Variants in GLO1 observed in about 807,000 individuals in gnomAD.
GLO1 encodes lactoylglutathione lyase.
A neutral mutation model predicts 26.0 loss-of-function variants in GLO1; 28 were observed. The ratio of observed to expected loss-of-function variants is 1.08; its 90% CI spans 0.80 to 1.48. The LOEUF (loss-of-function observed/expected upper bound fraction) is 1.48. Ranked by LOEUF, GLO1 falls within the 40% of genes most tolerant of loss-of-function variation. The pLI, the probability that GLO1 is intolerant of heterozygous loss-of-function variation, is 0.00. For missense variants in GLO1, 225 were observed against 224.8 expected, an observed-to-expected ratio of 1.00 and a Z score of -0.01; for synonymous variants, 78 against 77.6, an observed-to-expected ratio of 1.00 and a Z score of -0.03.
chr6:38,692,227 T>C (rs1761541827), intron 1 of GLO1, among the ~76,000 whole-genome samples: 1 of 152,192 alleles, frequency 6.6e-6, no homozygotes, highest in Non-Finnish European at 1.5e-5. Context: ...GCATCGCCAT[T>C]GCTGTTTTCA....
chr6:38,686,066 A>C (rs1252276409), intron 2 of GLO1, among the ~76,000 whole-genome samples: 1 of 152,226 alleles, frequency 6.6e-6, no homozygotes, highest in Non-Finnish European at 1.5e-5. Flanking sequence ...TTGTCCTTTA[A>C]ATATGTCATA....
chr6:38,681,970 T>C (rs758571221), intron 5 of GLO1, 42 bp downstream of exon 5: 7 of 979,332 alleles, frequency 7.1e-6, no homozygotes, highest in South Asian at 2.6e-5. Flanking sequence ...TTAGTAAATA[T>C]CAACTAAAGA....
chr6:38,690,295 G>A (rs1181373957), intron 1 of GLO1, among the ~76,000 whole-genome samples: 1 of 152,138 alleles, frequency 6.6e-6, no homozygotes, highest in Non-Finnish European at 1.5e-5. Flanking sequence ...TTACTGCTGA[G>A]AAAGTAAGTG....
At chr6:38,688,553 G>A (rs10447398) in intron 1 of GLO1, among the ~76,000 whole-genome samples, 53,446 of 152,006 alleles carry the variant, frequency 0.35, 10,048 homozygotes, top group Non-Finnish European at 0.42. Context: ...AGTGGTAGCT[G>A]CTTCTCTATT....
At position 38,678,824 on chromosome 6, in the gene GLO1, T is replaced by C. The variant is rs1761317319; in HGVS notation, c.467-1441A>G. On this transcript the variant is annotated intron_variant, in intron 5 of 5. Coordinates refer to ENST00000373365, the MANE Select transcript of GLO1 (RefSeq NM_006708.3). ...AGGGATGAAGTGGGAAGATCCAACC[T>C]GAAGAGGTGTTTTGTGGAAGGTGAA... Among the ~76,000 whole-genome samples, 5 of 152,250 alleles carry C rather than the reference T, an allele frequency of 3.3e-5. No individual in the cohort carries two copies. In the South Asian group the frequency reaches 1.0e-3, roughly 32 times the overall value.
intron 1 of GLO1, chr6:38,687,265 G>A (rs1481113072): frequency 1.1e-5 from 2 of 180,092 alleles, no homozygotes; most frequent in African/African-American, 4.8e-5. Context: ...GTCCCTCAAA[G>A]AATCCCCAGC....
intron 1 of GLO1, among the ~76,000 whole-genome samples, chr6:38,702,162 C>A (rs1313555182): frequency 6.6e-6 from 1 of 151,996 alleles, no homozygotes; most frequent in East Asian, 1.9e-4. Flanking sequence ...CTCTTGACCT[C>A]GTGATCCGCC....
intron 1 of GLO1, among the ~76,000 whole-genome samples, chr6:38,691,368 C>A (rs567917191): frequency 6.6e-6 from 1 of 151,662 alleles, no homozygotes; most frequent in African/African-American, 2.4e-5. Flanking sequence ...AGTGCAGTGG[C>A]GCAATCTTGG....
chr6:38,689,100 C>T (rs958406941), intron 1 of GLO1, among the ~76,000 whole-genome samples: 3 of 152,186 alleles, frequency 2.0e-5, no homozygotes, highest in African/African-American at 7.2e-5. Context: ...TACCCATCCA[C>T]GCCTGACAGC....
At chr6:38,693,685 C>CTCTCTCTCTCTATATATATA (rs869232489) in intron 1 of GLO1, among the ~76,000 whole-genome samples, 160 of 86,360 alleles carry the variant, frequency 1.9e-3, no homozygotes, top group Non-Finnish European at 2.7e-3. Context: ...CTCTCTCTCT[C>CTCTCTCTCTCTATATATATA]TATATATATA....
chr6:38,688,782 T>G (rs73414392), intron 1 of GLO1, among the ~76,000 whole-genome samples: 2,339 of 152,278 alleles, frequency 0.015, 79 homozygotes, highest in African/African-American at 0.054. Context: ...CCTTATTCTC[T>G]CAAACACTAA....
intron 1 of GLO1, among the ~76,000 whole-genome samples, chr6:38,700,342 C>T (rs1761679626): frequency 6.6e-6 from 1 of 152,230 alleles, no homozygotes; most frequent in Non-Finnish European, 1.5e-5. Flanking sequence ...GTGCCCTGAT[C>T]CCCACAGCTG....
intron 5 of GLO1, among the ~76,000 whole-genome samples, chr6:38,678,986 T>C (rs1477856917): frequency 1.3e-5 from 2 of 151,504 alleles, no homozygotes; most frequent in African/African-American, 4.9e-5. Flanking sequence ...TGTGTTAGAA[T>C]AGCGAACAGT....
At position 38,693,679 on chromosome 6, in the gene GLO1, C is replaced by G. The variant is rs1331683056; in HGVS notation, c.85-6705G>C. Among the ~76,000 whole-genome samples the G allele has an allele frequency of 3.1e-5, 3 of 96,382 alleles. No individual in the cohort carries two copies. In the South Asian group the frequency reaches 1.0e-3, roughly 34 times the overall value. The allele number at this position is 96,382 out of a possible 152,430, so 63.2% of individuals were successfully genotyped here. A position where few individuals can be genotyped will look rare whatever the true frequency, so the allele number is the denominator to read the frequency against. ...TTCAGCTCTCTCTCTCTCTCTCTCTCTCTCTCTATATATATATATATATAT... is the reference window on the plus strand; with the variant it reads ...TTCAGCTCTCTCTCTCTCTCTCTCTGTCTCTCTATATATATATATATATAT... On this transcript the variant is annotated intron_variant, in intron 1 of 5. Coordinates refer to ENST00000373365, the MANE Select transcript of GLO1 (RefSeq NM_006708.3).
At chr6:38,682,242 C>A (rs986701606) in intron 4 of GLO1, 141 bp from the exon 5 acceptor site, 6 of 619,072 alleles carry the variant, frequency 9.7e-6, no homozygotes, top group Admixed American at 5.5e-5. Flanking sequence ...GGTTCAAAAT[C>A]TATAATACAT....
chr6:38,695,748 A>G (rs1223623410), intron 1 of GLO1, among the ~76,000 whole-genome samples: 1 of 152,138 alleles, frequency 6.6e-6, no homozygotes, highest in Non-Finnish European at 1.5e-5. Flanking sequence ...TATGGAGTTT[A>G]GTTGGAGTAG....
At chr6:38,691,742 G>A (rs867051863) in intron 1 of GLO1, among the ~76,000 whole-genome samples, 1 of 143,494 alleles carries the variant, frequency 7.0e-6, no homozygotes, top group African/African-American at 2.8e-5. Context: ...ACCAGTAAAT[G>A]GATTTTTTTT....
intron 2 of GLO1, among the ~76,000 whole-genome samples, chr6:38,684,873 A>C (rs1761439822): frequency 6.6e-6 from 1 of 152,208 alleles, no homozygotes; most frequent in South Asian, 2.1e-4. Flanking sequence ...ATATATACAC[A>C]CATACAAACA....
At chr6:38,681,976 A>G (rs374051781) in intron 5 of GLO1, 36 bp downstream of exon 5, 8 of 1,040,094 alleles carry the variant, frequency 7.7e-6, no homozygotes, top group Non-Finnish European at 1.2e-5. Context: ...AATATCAACT[A>G]AAGACAGGCC....
Sources: gnomAD v4.1 joint callset for allele counts (sites outside exome capture counted in the v4.1 genomes callset) on GRCh38, gnomAD v4.1.1 for gene constraint, MANE v1.5 for transcripts, NCBI Gene and HGNC (gene_info 2026-07-23, HGNC 2026-07-21) for gene names.